The following TRIM13 variants were observed in gnomAD, a reference collection of about 807,000 sequenced individuals.
TRIM13 encodes tripartite motif containing 13.
TRIM13 carries 15 observed loss-of-function variants against 27.1 expected under a neutral mutation model. That is an observed-to-expected ratio of 0.55 (90% CI 0.37 to 0.85). The LOEUF is 0.85. Ranked by LOEUF, TRIM13 falls within the 40% of genes least tolerant of loss-of-function variation. The pLI, the probability that TRIM13 is intolerant of heterozygous loss-of-function variation, is 0.00. For missense variants in TRIM13, 402 were observed against 472.2 expected (o/e 0.85, Z 1.38); for synonymous variants, 193 against 171.5 (o/e 1.13, Z -0.98).
rs752829070 is a variant in TRIM13, at chr13:50,011,895, A to G, written c.-6-40A>G. The G allele has an allele frequency of 1.9e-6, 3 of 1,544,164 alleles. No homozygotes were observed. In the South Asian group the frequency reaches 3.9e-5, roughly 20 times the overall value. On this transcript the variant is annotated intron_variant, in intron 1 of 1. Coordinates refer to ENST00000378182, the MANE Select transcript of TRIM13 (RefSeq NM_213590.3). Reference sequence around the variant, plus strand: ...TAATTATTACATAGTCCTAGTGGTGACGGTTATTGGAGTAAAATAATTTTT... The same window carrying G: ...TAATTATTACATAGTCCTAGTGGTGGCGGTTATTGGAGTAAAATAATTTTT...
chr13:50,017,110 G>T lies in TRIM13; in HGVS notation c.*3946G>T, dbSNP rs913746446. On this transcript the variant is annotated 3_prime_UTR_variant, in exon 2 of 2. Coordinates refer to ENST00000378182, the MANE Select transcript of TRIM13 (RefSeq NM_213590.3). Reference sequence around the variant, plus strand: ...TGGGAAAAGAGAGCCAGTCAAGCTAGTAGGCTGATTGTGAAGAAAATCTAA... The same window carrying T: ...TGGGAAAAGAGAGCCAGTCAAGCTATTAGGCTGATTGTGAAGAAAATCTAA... 7 of 167,016 alleles carry T rather than the reference G, an allele frequency of 4.2e-5. No individual in the cohort carries two copies. In the Admixed American group the frequency reaches 4.6e-4, roughly 11 times the overall value. The allele number at this position is 167,016 out of a possible 1,614,324, so 10.3% of individuals were successfully genotyped here. A position where few individuals can be genotyped will look rare whatever the true frequency, so the allele number is the denominator to read the frequency against.
chr13:50,002,017 C>G (rs930364647), intron 1 of TRIM13, among the ~76,000 whole-genome samples: 4 of 151,972 alleles, frequency 2.6e-5, no homozygotes, highest in Admixed American at 6.6e-5. Context: ...AGACTGAGAG[C>G]CAGACAAGTA....
chr13:50,009,779 A>G (rs1875347360), intron 1 of TRIM13, among the ~76,000 whole-genome samples: 2 of 150,994 alleles, frequency 1.3e-5, no homozygotes, highest in Non-Finnish European at 2.9e-5. Flanking sequence ...AAAAAACACT[A>G]AAACTAAAAA....
At chr13:49,999,421 C>T (rs899820420) in intron 1 of TRIM13, among the ~76,000 whole-genome samples, 4 of 152,138 alleles carry the variant, frequency 2.6e-5, no homozygotes, top group Non-Finnish European at 5.9e-5. Context: ...TTAAATTTTC[C>T]GCTCCTAAAC....
In TRIM13 at chr13:50,017,486, C is replaced by T. The variant is rs925187652; in HGVS notation, c.*4322C>T. On this transcript the variant is annotated 3_prime_UTR_variant, in exon 2 of 2. Transcript: ENST00000378182. ...TTTATGTTGTGTTTTAGAAACAGCA[C>T]GAAAGTTTTTTCCATTTTAAAGTGA... The T allele has an allele frequency of 4.8e-5, 8 of 167,118 alleles. No individual in the cohort carries two copies. The highest frequency in any genetic ancestry group is 1.9e-4 in the East Asian group (1 of 5,182). 10.4% of individuals were successfully genotyped at this position (167,118 alleles called of 1,614,324 possible).
chr13:50,007,552 G>T (rs1248561913), intron 1 of TRIM13, among the ~76,000 whole-genome samples: 3 of 150,578 alleles, frequency 2.0e-5, no homozygotes, highest in African/African-American at 7.3e-5. Flanking sequence ...TTTGGGAGGC[G>T]GGTGGATTGC....
rs762412533 is a variant in TRIM13, at chr13:50,015,792, C to T, written c.*2628C>T. 2 of 1,614,112 alleles carry T rather than the reference C, an allele frequency of 1.2e-6. No homozygotes were observed. The highest frequency in any genetic ancestry group is 2.2e-5 in the South Asian group (2 of 91,084). ...CGTTCTCTAGTTGATCTCTTAAACC[C>T]ATACCTGCTACAGCCAAGACCTGCT... On this transcript the variant is annotated 3_prime_UTR_variant, in exon 2 of 2. Transcript: ENST00000378182.
chr13:50,009,284 A>C (rs576395545), intron 1 of TRIM13, among the ~76,000 whole-genome samples: 1 of 152,304 alleles, frequency 6.6e-6, no homozygotes, highest in South Asian at 2.1e-4. Flanking sequence ...TTCTGTATTT[A>C]ACCTGTTGGA....
chr13:50,006,487 T>G (rs1280445401), intron 1 of TRIM13, among the ~76,000 whole-genome samples: 1 of 152,224 alleles, frequency 6.6e-6, no homozygotes. Flanking sequence ...TATTGAGTGT[T>G]GCCCTTACCA....
rs148831871 is a variant in TRIM13, at chr13:50,005,428, C to T, written c.-6-6507C>T. Among the ~76,000 whole-genome samples the T allele has an allele frequency of 6.6e-4, 100 of 152,006 alleles. 2 individuals carry two copies. The highest frequency in any genetic ancestry group is 2.1e-3 in the African/African-American group (86 of 41,426). ...GTGGCTCACAACTATAATCCCAGAA[C>T]TTTGGGAGGCCGAGGCGGGTGGATC... is the stretch of plus-strand genomic sequence containing the variant. On this transcript the variant is annotated intron_variant, in intron 1 of 1. Coordinates refer to ENST00000378182, the MANE Select transcript of TRIM13 (RefSeq NM_213590.3).
chr13:49,999,211 C>T (rs778836800), intron 1 of TRIM13, among the ~76,000 whole-genome samples: 8 of 152,034 alleles, frequency 5.3e-5, no homozygotes, highest in Non-Finnish European at 8.8e-5. Context: ...GTAGAAGCTA[C>T]ATTTGCATAA....
At position 50,012,951 on chromosome 13, in the gene TRIM13, A is replaced by G. The variant is rs1402411236; in HGVS notation, c.1011A>G (p.Glu337=). 6.2e-7 allele frequency: 1 copy of G among 1,613,746 alleles called. No individual in the cohort carries two copies. Among genetic ancestry groups the G allele is most frequent in the African/African-American group, 1.3e-5 (1 of 74,868 alleles). ...TCTTTGGTCCTACCATGTTCCTAGA[A>G]TGGTCATTATTTGATGACCTGGCAA... is the stretch of plus-strand genomic sequence containing the variant. ...VIVFGPTMFL[E]WSLFDDLATW... is the part of the protein sequence containing the mutation. Residue 337 remains glutamate, a synonymous_variant, in exon 2 of 2, where the codon GAA becomes GAG. Coordinates refer to ENST00000378182, the MANE Select transcript of TRIM13 (RefSeq NM_213590.3).
intron 1 of TRIM13, among the ~76,000 whole-genome samples, chr13:50,007,659 TA>T (rs374609344): frequency 0.18 from 25,872 of 142,372 alleles, 2,541 homozygotes; most frequent in African/African-American, 0.27. Flanking sequence ...CAGGTGCCTG[TA>T]AATCCCAGCT....
chr13:50,004,902 C>G (rs1874485697), intron 1 of TRIM13, among the ~76,000 whole-genome samples: 1 of 151,926 alleles, frequency 6.6e-6, no homozygotes, highest in African/African-American at 2.4e-5. Flanking sequence ...ATGGTGAAAC[C>G]CTGTCTCTAC....
rs1369471780 is a variant in TRIM13 at position 49,997,691 on chromosome 13, C to T, written c.-79C>T. ...GTAGCCTCTAGTTCGTTAGTCAAAA[C>T]GTGAAAAAAAAGACCTGCTTTGCCC... On this transcript the variant is annotated 5_prime_UTR_variant, in exon 1 of 2. It adds an upstream start codon to the 5' untranslated region. Transcript: ENST00000378182. 6.6e-6 allele frequency: 1 copy of T among 151,914 alleles called. No individual in the cohort carries two copies. The highest frequency in any genetic ancestry group is 1.9e-4 in the East Asian group (1 of 5,198). 9.4% of individuals were successfully genotyped at this position (151,914 alleles called of 1,614,324 possible).
rs1555325056 is a variant in TRIM13 at position 50,014,344 on chromosome 13, A to AATATATATAT, written c.*1188_*1197dup. On this transcript the variant is annotated 3_prime_UTR_variant, in exon 2 of 2. Coordinates refer to ENST00000378182, the MANE Select transcript of TRIM13 (RefSeq NM_213590.3). ...AAAAAAAAAAAAAAAAAAAAAAAAAAATATATATATATATATACACACACA... is the reference window on the plus strand; with the variant it reads ...AAAAAAAAAAAAAAAAAAAAAAAAAAATATATATATATATATATATATATATACACACACA... The AATATATATAT allele has an allele frequency of 2.9e-3, 57 of 19,726 alleles. No homozygotes were observed. Among genetic ancestry groups the AATATATATAT allele is most frequent in the African/African-American group, 3.3e-3 (16 of 4,892 alleles). The allele number at this position is 19,726 out of a possible 1,614,324, so 1.2% of individuals were successfully genotyped here.
Position 50,015,426 on chromosome 13 carries a change from C to T in TRIM13, c.*2262C>T, listed in dbSNP as rs1328332323. 1.7e-6 allele frequency: 2 copies of T among 1,165,190 alleles called. No homozygotes were observed. The highest frequency in any genetic ancestry group is 2.5e-6 in the Non-Finnish European group (2 of 808,020). The allele number at this position is 1,165,190 out of a possible 1,614,324, so 72.2% of individuals were successfully genotyped here. A position where few individuals can be genotyped will look rare whatever the true frequency, so the allele number is the denominator to read the frequency against. ...CTGCATAATCATGTATAACTAGCAA[C>T]ATTTATGGTTATAGGTTGATTTCCT... On this transcript the variant is annotated 3_prime_UTR_variant, in exon 2 of 2. Coordinates refer to ENST00000378182, the MANE Select transcript of TRIM13 (RefSeq NM_213590.3).
intron 1 of TRIM13, among the ~76,000 whole-genome samples, chr13:50,003,194 T>A (rs1047577230): frequency 2.0e-5 from 3 of 152,318 alleles, no homozygotes; most frequent in Middle Eastern, 3.4e-3. Context: ...GTCTATGAAG[T>A]GAGTTTCAAT....
rs34741583 is a variant in TRIM13 at position 50,007,782 on chromosome 13, CAAA to C, written c.-6-4139_-6-4137del. ...GGGTGACAAGAGTGAGACTTAGTCT[CAAA>C]AAAAAAAAAAAAAGCCATAAACTAA... On this transcript the variant is annotated intron_variant, in intron 1 of 1. Coordinates refer to ENST00000378182, the MANE Select transcript of TRIM13 (RefSeq NM_213590.3). Among the ~76,000 whole-genome samples the C allele has an allele frequency of 6.9e-3, 879 of 127,794 alleles. 9 individuals carry two copies. Among genetic ancestry groups the C allele is most frequent in the African/African-American group, 0.026 (833 of 31,528 alleles). 83.8% of individuals were successfully genotyped at this position (127,794 alleles called of 152,430 possible).
Sources: gnomAD v4.1 joint callset for allele counts (sites outside exome capture counted in the v4.1 genomes callset) on GRCh38, gnomAD v4.1.1 for gene constraint, MANE v1.5 for transcripts, NCBI Gene and HGNC (gene_info 2026-07-23, HGNC 2026-07-21) for gene names.